Variants in STPG4 observed in about 807,000 individuals in gnomAD.
STPG4 encodes sperm-tail PG-rich repeat containing 4.
Under a neutral mutation model 31.5 loss-of-function variants are expected in STPG4, and 41 were observed. The observed-to-expected ratio is 1.30, with a 90% CI of 1.01 to 1.69. The LOEUF is 1.69. Ranked by LOEUF, STPG4 falls within the 40% of genes most tolerant of loss-of-function variation. The pLI is 0.00. For missense variants in STPG4, 375 were observed against 293.4 expected, an observed-to-expected ratio of 1.28 and a Z score of -2.03; for synonymous variants, 141 against 103.0, an observed-to-expected ratio of 1.37 and a Z score of -2.24.
At chr2:47,095,274 G>A (rs964317072) in intron 5 of STPG4, among the ~76,000 whole-genome samples, 2 of 152,114 alleles carry the variant, frequency 1.3e-5, no homozygotes, top group African/African-American at 2.4e-5. Context: ...ATTAGGGTGG[G>A]GCCTCGTCCA....
At chr2:47,123,369 C>T (rs1427433885) in intron 5 of STPG4, among the ~76,000 whole-genome samples, 1 of 152,054 alleles carries the variant, frequency 6.6e-6, no homozygotes, top group Non-Finnish European at 1.5e-5. Flanking sequence ...AATTAATTCA[C>T]CAAATACTAT....
chr2:47,153,091 T>C, intron 1 of STPG4, 75 bp from the exon 2 acceptor site: 1 of 1,183,318 alleles, frequency 8.5e-7, no homozygotes, highest in Non-Finnish European at 1.2e-6. Context: ...TATAAAACAT[T>C]TGCTTGAAGA....
Position 47,129,987 on chromosome 2 carries a change from A to G in STPG4, c.473T>C (p.Val158Ala). ...GAATCTTTGAACTGTTGAGCGAAATACACAGCTCCTATATTTCAAAATAAA... is the reference window on the plus strand; with the variant it reads ...GAATCTTTGAACTGTTGAGCGAAATGCACAGCTCCTATATTTCAAAATAAA... Reference protein sequence around the residue: ...PVPKYASRSCVFRSTVQRFPT... With the variant: ...PVPKYASRSCAFRSTVQRFPT... The change falls in exon 5 of 7, where the codon GTA becomes GCA. Residue 158 changes from valine (V) to alanine (A), a missense_variant. Transcript: ENST00000445927. 1 of 1,565,900 alleles carries G rather than the reference A, an allele frequency of 6.4e-7. No individual in the cohort carries two copies. The highest frequency in any genetic ancestry group is 8.8e-7 in the Non-Finnish European group (1 of 1,138,062).
At chr2:47,134,909 A>G (rs1686566097) in intron 3 of STPG4, among the ~76,000 whole-genome samples, 1 of 152,190 alleles carries the variant, frequency 6.6e-6, no homozygotes, top group African/African-American at 2.4e-5. Flanking sequence ...ATATTTGTGT[A>G]GTATCTCATT....
intron 5 of STPG4, among the ~76,000 whole-genome samples, chr2:47,092,669 G>T (rs1294656068): frequency 1.3e-5 from 2 of 151,496 alleles, no homozygotes; most frequent in African/African-American, 2.4e-5. Flanking sequence ...GGGTAGAGGA[G>T]AGAGAGCCAG....
At chr2:47,106,220 G>C (rs1360363288) in intron 5 of STPG4, among the ~76,000 whole-genome samples, 1 of 151,852 alleles carries the variant, frequency 6.6e-6, no homozygotes, top group Non-Finnish European at 1.5e-5. Context: ...ACCCAGCCAA[G>C]GCATATTTTT....
intron 5 of STPG4, among the ~76,000 whole-genome samples, chr2:47,100,607 C>G (rs1378274710): frequency 6.6e-6 from 1 of 151,218 alleles, no homozygotes; most frequent in Non-Finnish European, 1.5e-5. Context: ...AAGCTTTGTT[C>G]TTTCGCTCTT....
intron 3 of STPG4, among the ~76,000 whole-genome samples, chr2:47,137,334 T>C (rs1308826098): frequency 6.6e-6 from 1 of 152,224 alleles, no homozygotes; most frequent in East Asian, 1.9e-4. Context: ...AAATCTCACT[T>C]GGTTGCGATG....
chr2:47,115,559 A>T (rs1686130560), intron 5 of STPG4, among the ~76,000 whole-genome samples: 2 of 152,166 alleles, frequency 1.3e-5, no homozygotes, highest in South Asian at 2.1e-4. Flanking sequence ...TTGTATTTTT[A>T]AAAAATCTTC....
At chr2:47,109,434 GTAATCCCAGCTAC>G (rs1393869267) in intron 5 of STPG4, among the ~76,000 whole-genome samples, 1 of 152,004 alleles carries the variant, frequency 6.6e-6, no homozygotes, top group African/African-American at 2.4e-5. Context: ...GCAGACGCCT[GTAATCCCAGCTAC>G]TGGGGAAGCT....
At chr2:47,090,012 C>G (rs1685537187) in intron 6 of STPG4, among the ~76,000 whole-genome samples, 1 of 152,178 alleles carries the variant, frequency 6.6e-6, no homozygotes, top group Non-Finnish European at 1.5e-5. Context: ...GTGCTGCTTC[C>G]AACTGGCCCC....
chr2:47,096,859 C>A (rs1050433615), intron 5 of STPG4, among the ~76,000 whole-genome samples: 15 of 152,214 alleles, frequency 9.9e-5, no homozygotes, highest in South Asian at 4.2e-4. Context: ...GGAACCACCA[C>A]CACCACAGCA....
At chr2:47,109,331 C>G (rs1404537981) in intron 5 of STPG4, among the ~76,000 whole-genome samples, 1 of 152,154 alleles carries the variant, frequency 6.6e-6, no homozygotes, top group Non-Finnish European at 1.5e-5. Flanking sequence ...CAGAGGTGGG[C>G]AGATCACCTG....
chr2:47,153,646 G>A (rs1196861905), intron 1 of STPG4, among the ~76,000 whole-genome samples: 1 of 152,074 alleles, frequency 6.6e-6, no homozygotes, highest in Non-Finnish European at 1.5e-5. Flanking sequence ...TCCCTCCTCA[G>A]AAGGCTGTAA....
chr2:47,090,903 A>G, intron 5 of STPG4, among the ~76,000 whole-genome samples: 2 of 151,688 alleles, frequency 1.3e-5, no homozygotes, highest in East Asian at 3.8e-4. Context: ...TAAAAAGACA[A>G]TCACTCCAGT....
chr2:47,117,999 G>T (rs6729264), intron 5 of STPG4, among the ~76,000 whole-genome samples: 20,155 of 151,684 alleles, frequency 0.13, 1,528 homozygotes, highest in African/African-American at 0.17. Context: ...GGTCTCAAGG[G>T]GTCCTCCCAC....
Position 47,100,163 on chromosome 2 carries a change from G to C in STPG4, c.520-9789C>G, listed in dbSNP as rs193112365. On this transcript the variant is annotated intron_variant, in intron 5 of 6. Transcript: ENST00000445927. ...AGGCAGCTCCACCTGCAGCCCTGGT[G>C]TGGGATCCACTGGGTGAAGCCAGCT... is the stretch of plus-strand genomic sequence containing the variant. Among the ~76,000 whole-genome samples, 1,329 of 152,232 alleles carry C rather than the reference G, an allele frequency of 8.7e-3. 42 individuals carry two copies. Among genetic ancestry groups the C allele is most frequent in the African/African-American group, 0.03 (1,224 of 41,464 alleles).
At chr2:47,147,820 A>G (rs1472158245) in intron 3 of STPG4, among the ~76,000 whole-genome samples, 1 of 152,184 alleles carries the variant, frequency 6.6e-6, no homozygotes, top group Non-Finnish European at 1.5e-5. Flanking sequence ...TACAATGTGA[A>G]TATACTATTT....
chr2:47,093,061 G>T (rs1038747243), intron 5 of STPG4, among the ~76,000 whole-genome samples: 1 of 152,152 alleles, frequency 6.6e-6, no homozygotes, highest in Non-Finnish European at 1.5e-5. Context: ...AAAGTGCTGG[G>T]ATTACAGGTG....
Sources: allele counts gnomAD v4.1 joint callset (sites outside exome capture counted in the v4.1 genomes callset), GRCh38; gene constraint gnomAD v4.1.1; transcripts MANE v1.5; gene names NCBI Gene and HGNC (gene_info 2026-07-23, HGNC 2026-07-21).